Variants in KCNQ3 observed in about 807,000 individuals in gnomAD.
KCNQ3 encodes potassium voltage-gated channel subfamily KQT member 3.
A neutral mutation model predicts 92.5 loss-of-function variants in KCNQ3; 30 were observed. The observed-to-expected ratio is 0.32, with a 90% CI of 0.24 to 0.44. The LOEUF is 0.44. KCNQ3 is among the 20% of genes least tolerant of loss of function. KCNQ3 has a pLI of 1.00. For synonymous variants in KCNQ3, 450 were observed against 468.8 expected (o/e 0.96, Z 0.52); for missense variants, 913 against 1,140.3 (o/e 0.80, Z 2.87).
chr8:132,187,879 ATGGTGGCGGTGGTGGTGG>A (rs1827044671), intron 1 of KCNQ3, among the ~76,000 whole-genome samples: 1 of 112,764 alleles, frequency 8.9e-6, no homozygotes, highest in African/African-American at 3.2e-5. Flanking sequence ...GGTGATAGTG[ATGGTGGCGGTGGTGGTGG>A]TGGTGATGGT....
At chr8:132,305,937 G>A (rs1817408979) in intron 1 of KCNQ3, among the ~76,000 whole-genome samples, 1 of 151,676 alleles carries the variant, frequency 6.6e-6, no homozygotes, top group Non-Finnish European at 1.5e-5. Context: ...CTGAGTTTCT[G>A]AATGACAGAT....
At chr8:132,378,183 T>C (rs895514162) in intron 1 of KCNQ3, among the ~76,000 whole-genome samples, 4 of 151,864 alleles carry the variant, frequency 2.6e-5, no homozygotes, top group Admixed American at 6.6e-5. Context: ...CGTTGGAGGT[T>C]TGGAGTTTGA....
chr8:132,214,798 G>A (rs942955950), intron 1 of KCNQ3, among the ~76,000 whole-genome samples: 1 of 152,230 alleles, frequency 6.6e-6, no homozygotes, highest in Non-Finnish European at 1.5e-5. Context: ...ACAGATTAGA[G>A]GTGGAATGTA....
chr8:132,454,773 G>A (rs1021652942), intron 1 of KCNQ3, among the ~76,000 whole-genome samples: 1 of 152,134 alleles, frequency 6.6e-6, no homozygotes, highest in Non-Finnish European at 1.5e-5. Context: ...TAGCCAAAAG[G>A]TGGAAATGAA....
chr8:132,164,340 C>T (rs975037476), intron 8 of KCNQ3, among the ~76,000 whole-genome samples: 28 of 146,528 alleles, frequency 1.9e-4, no homozygotes, highest in African/African-American at 6.7e-4. Context: ...CATGTAGTCT[C>T]GTTTTTTTTT....
chr8:132,146,781 G>A (rs1486449620), intron 9 of KCNQ3, among the ~76,000 whole-genome samples: 1 of 152,036 alleles, frequency 6.6e-6, no homozygotes, highest in Non-Finnish European at 1.5e-5. Context: ...TAGAAACAGT[G>A]TTTTGCCATG....
At chr8:132,356,928 T>C (rs1037465962) in intron 1 of KCNQ3, among the ~76,000 whole-genome samples, 5 of 152,178 alleles carry the variant, frequency 3.3e-5, no homozygotes, top group African/African-American at 1.2e-4. Context: ...ATTAGATGTC[T>C]TTTAAAATAT....
intron 1 of KCNQ3, among the ~76,000 whole-genome samples, chr8:132,230,633 T>C (rs1814616454): frequency 6.6e-6 from 1 of 152,214 alleles, no homozygotes; most frequent in Admixed American, 6.5e-5. Context: ...CTCAATCAAC[T>C]AAGCAATGTA....
chr8:132,224,809 A>G (rs1814356445), intron 1 of KCNQ3, among the ~76,000 whole-genome samples: 1 of 152,092 alleles, frequency 6.6e-6, no homozygotes, highest in Non-Finnish European at 1.5e-5. Flanking sequence ...TGCTCATTGG[A>G]ATCTGTTGTA....
intron 1 of KCNQ3, among the ~76,000 whole-genome samples, chr8:132,254,291 T>C (rs773665402): frequency 6.6e-6 from 1 of 152,188 alleles, no homozygotes; most frequent in Non-Finnish European, 1.5e-5. Flanking sequence ...TTTACACAAA[T>C]GAGTGATTGG....
intron 9 of KCNQ3, among the ~76,000 whole-genome samples, chr8:132,156,782 G>A (rs78132307): frequency 0.014 from 2,075 of 152,206 alleles, 44 homozygotes; most frequent in African/African-American, 0.046. Context: ...TTGAAATAGG[G>A]TCTTTGCTGA....
At chr8:132,364,310 C>T (rs982753034) in intron 1 of KCNQ3, among the ~76,000 whole-genome samples, 1 of 152,196 alleles carries the variant, frequency 6.6e-6, no homozygotes, top group Non-Finnish European at 1.5e-5. Context: ...GTGGAGACCA[C>T]CCCAATCTAG....
intron 1 of KCNQ3, among the ~76,000 whole-genome samples, chr8:132,378,726 G>A (rs192482126): frequency 7.2e-5 from 11 of 152,244 alleles, no homozygotes; most frequent in South Asian, 2.1e-4. Flanking sequence ...AGTCTCACTC[G>A]TTCCATTCTT....
Position 132,226,923 on chromosome 8 carries a change from G to C in KCNQ3, c.387-40742C>G, listed in dbSNP as rs78951987. ...CTGTTGAATCATCCCAGCATTTTTG[G>C]AGAAAAATATCATTGACTTCATTTT... On this transcript the variant is annotated intron_variant, in intron 1 of 14. Transcript: ENST00000388996. 8.4e-3 allele frequency among the ~76,000 whole-genome samples: 1,283 copies of C among 152,170 alleles called. 9 individuals are homozygous for C. Among genetic ancestry groups the C allele is most frequent in the Non-Finnish European group, 0.014 (924 of 67,994 alleles).
chr8:132,435,438 A>G (rs1821367643), intron 1 of KCNQ3, among the ~76,000 whole-genome samples: 1 of 152,202 alleles, frequency 6.6e-6, no homozygotes, highest in Non-Finnish European at 1.5e-5. Flanking sequence ...AGCTTAAGGA[A>G]TCACTCAGCA....
At chr8:132,329,962 T>C (rs1818183616) in intron 1 of KCNQ3, among the ~76,000 whole-genome samples, 1 of 152,038 alleles carries the variant, frequency 6.6e-6, no homozygotes, top group Non-Finnish European at 1.5e-5. Flanking sequence ...AAAATATAGG[T>C]CTACACCCTG....
chr8:132,169,915 C>T (rs372262065), intron 8 of KCNQ3, among the ~76,000 whole-genome samples: 1 of 151,596 alleles, frequency 6.6e-6, no homozygotes. Context: ...ACTGTGTTGC[C>T]CAGGCTGAAG....
At chr8:132,272,173 C>T (rs748281537) in intron 1 of KCNQ3, among the ~76,000 whole-genome samples, 1 of 152,216 alleles carries the variant, frequency 6.6e-6, no homozygotes. Context: ...GAGAGAATAA[C>T]ATGCAAAATG....
At chr8:132,454,631 A>C (rs1404778617) in intron 1 of KCNQ3, among the ~76,000 whole-genome samples, 1 of 152,128 alleles carries the variant, frequency 6.6e-6, no homozygotes, top group Non-Finnish European at 1.5e-5. Context: ...TGATACCCAC[A>C]CTGTCCTTTC....
Sources: allele counts gnomAD v4.1 joint callset (sites outside exome capture counted in the v4.1 genomes callset), GRCh38; gene constraint gnomAD v4.1.1; transcripts MANE v1.5; gene names NCBI Gene and HGNC (gene_info 2026-07-23, HGNC 2026-07-21).